PLBD2: variants seen among roughly 807,000 people sequenced by gnomAD.
PLBD2 encodes the protein putative aminopeptidase PLBD2.
PLBD2 carries 51 observed loss-of-function variants against 68.3 expected under a neutral mutation model. That is an observed-to-expected ratio of 0.75 (90% CI 0.60 to 0.94). PLBD2 has a LOEUF of 0.94. PLBD2 is among the 40% of genes least tolerant of loss of function. PLBD2 has a pLI of 0.00. For synonymous variants in PLBD2, 314 were observed against 339.3 expected (o/e 0.93, Z 0.82); for missense variants, 729 against 792.2 (o/e 0.92, Z 0.96).
At chr12:113,361,300 C>A (rs540318438) in intron 1 of PLBD2, among the ~76,000 whole-genome samples, 1 of 148,336 alleles carries the variant, frequency 6.7e-6, no homozygotes, top group African/African-American at 2.5e-5. Flanking sequence ...CACCATAATC[C>A]TTCGTCTTTT....
chr12:113,384,047 C>G lies in PLBD2; in HGVS notation c.958-58C>G. 1 of 1,188,622 alleles carries G rather than the reference C, an allele frequency of 8.4e-7. No homozygotes were observed. Among genetic ancestry groups the G allele is most frequent in the East Asian group, 2.8e-5 (1 of 36,024 alleles). The allele number at this position is 1,188,622 out of a possible 1,614,324, so 73.6% of individuals were successfully genotyped here. A position where few individuals can be genotyped will look rare whatever the true frequency, so the allele number is the denominator to read the frequency against. ...TTTTGGAGCCATGACTGATGAAGTA[C>G]TGCCACTTGGTGGCAGCATGCCTAG... On this transcript the variant is annotated intron_variant, in intron 6 of 11. Transcript: ENST00000280800. The surrounding 1 kb of genome is among the most constrained non-coding windows in gnomAD (Gnocchi z 4.2).
In PLBD2 at chr12:113,358,659, CGCTGGCGCTGGCCCTGGT is replaced by C; in HGVS notation, c.66_83del (p.Ala24_Leu29del). ...CACCTGGCCCGGGCGCTGACGCGGG[CGCTGGCGCTGGCCCTGGT>C]GCTGGCCCTGCTGGTCGGGCCGTTC... On this transcript the variant is annotated inframe_deletion, in exon 1 of 12. Transcript: ENST00000280800. The C allele has an allele frequency of 6.8e-7, 1 of 1,460,792 alleles. No individual in the cohort carries two copies. The highest frequency in any genetic ancestry group is 9.0e-7 in the Non-Finnish European group (1 of 1,113,504). The allele number at this position is 1,460,792 out of a possible 1,614,324, so 90.5% of individuals were successfully genotyped here.
At chr12:113,382,698 C>A (rs745566364) in intron 6 of PLBD2, among the ~76,000 whole-genome samples, 2 of 151,920 alleles carry the variant, frequency 1.3e-5, no homozygotes, top group Non-Finnish European at 2.9e-5. Context: ...CCCCCTTGGC[C>A]TCCCAAAGTG....
intron 2 of PLBD2, among the ~76,000 whole-genome samples, chr12:113,369,510 G>C (rs932936647): frequency 6.6e-6 from 1 of 152,178 alleles, no homozygotes; most frequent in African/African-American, 2.4e-5. Flanking sequence ...CTTAACAAAA[G>C]TAAGGGAGTA....
Position 113,388,726 on chromosome 12 carries a change from G to T in PLBD2, c.*100G>T. ...CTTCTAACTCCAGCCCCTCCTGGGGGCTTCGTTCTCTGATCTGGGGTCTGA... is the reference window on the plus strand; with the variant it reads ...CTTCTAACTCCAGCCCCTCCTGGGGTCTTCGTTCTCTGATCTGGGGTCTGA... On this transcript the variant is annotated 3_prime_UTR_variant, in exon 12 of 12. Transcript: ENST00000280800. 6.0e-6 allele frequency: 8 copies of T among 1,335,208 alleles called. No homozygotes were observed. Among genetic ancestry groups the T allele is most frequent in the East Asian group, 2.6e-5 (1 of 37,998 alleles). 82.7% of individuals were successfully genotyped at this position (1,335,208 alleles called of 1,614,324 possible).
chr12:113,374,241 T>C (rs983331483), intron 3 of PLBD2, among the ~76,000 whole-genome samples: 3 of 152,014 alleles, frequency 2.0e-5, no homozygotes, highest in African/African-American at 7.2e-5. Flanking sequence ...TGGGGCTGAT[T>C]TGGGGTTAAC....
At chr12:113,367,141 A>G (rs1255262802) in intron 1 of PLBD2, among the ~76,000 whole-genome samples, 1 of 152,222 alleles carries the variant, frequency 6.6e-6, no homozygotes, top group Non-Finnish European at 1.5e-5. Flanking sequence ...CAGAGGGCTA[A>G]TGTGTATACA....
chr12:113,384,829 C>A lies in PLBD2; in HGVS notation c.1119-22C>A. 1 of 1,607,450 alleles carries A rather than the reference C, an allele frequency of 6.2e-7. No homozygotes were observed. Among genetic ancestry groups the A allele is most frequent in the Non-Finnish European group, 8.5e-7 (1 of 1,174,418 alleles). ...GAGGTGGCTCCAGGCTCTGTTCAGT[C>A]CTCCCTTCCCCTGCCCGGCAGGTAT... On this transcript the variant is annotated intron_variant, in intron 7 of 11. Coordinates refer to ENST00000280800, the MANE Select transcript of PLBD2 (RefSeq NM_173542.4). This position sits in a 1 kb window ranked among gnomAD's most constrained non-coding sequence, Gnocchi z 4.2.
chr12:113,384,777 G>A lies in PLBD2; in HGVS notation c.1119-74G>A. 3 of 1,248,460 alleles carry A rather than the reference G, an allele frequency of 2.4e-6. No homozygotes were observed. The highest frequency in any genetic ancestry group is 2.3e-6 in the Non-Finnish European group (2 of 859,736). The allele number at this position is 1,248,460 out of a possible 1,614,324, so 77.3% of individuals were successfully genotyped here. On this transcript the variant is annotated intron_variant, in intron 7 of 11. Coordinates refer to ENST00000280800, the MANE Select transcript of PLBD2 (RefSeq NM_173542.4). The surrounding 1 kb of genome is among the most constrained non-coding windows in gnomAD (Gnocchi z 4.2). ...ACTTCCTGTAATTCCTAGCTGAGTG[G>A]GACACTGCAGGGTGGGGAAAGCTGG...
intron 11 of PLBD2, 83 bp from the exon 12 acceptor site, chr12:113,388,376 G>C: frequency 7.4e-7 from 1 of 1,358,734 alleles, no homozygotes; most frequent in South Asian, 1.4e-5. Flanking sequence ...GGGCTCTGGG[G>C]TCAAGGTCAG....
chr12:113,381,253 C>G (rs548833837), intron 6 of PLBD2, among the ~76,000 whole-genome samples: 3 of 152,008 alleles, frequency 2.0e-5, no homozygotes, highest in East Asian at 3.9e-4. Flanking sequence ...CCGCCCCCCC[C>G]ACATCCCCAC....
intron 5 of PLBD2, among the ~76,000 whole-genome samples, chr12:113,377,756 T>A (rs1191432960): frequency 6.6e-6 from 1 of 152,230 alleles, no homozygotes; most frequent in East Asian, 1.9e-4. Flanking sequence ...GTGTGCTCAT[T>A]TGTTCTGCAT....
At chr12:113,379,330 A>AT (rs1957463763) in intron 5 of PLBD2, among the ~76,000 whole-genome samples, 1 of 149,752 alleles carries the variant, frequency 6.7e-6, no homozygotes, top group Non-Finnish European at 1.5e-5. Flanking sequence ...AAAAAAAAAA[A>AT]GACAAAGGAT....
intron 1 of PLBD2, among the ~76,000 whole-genome samples, chr12:113,368,182 G>A (rs528882752): frequency 6.6e-6 from 1 of 152,300 alleles, no homozygotes; most frequent in South Asian, 2.1e-4. Flanking sequence ...ATCAGAGGTT[G>A]AGAAGTGCTC....
In PLBD2 at chr12:113,387,892, G is replaced by T; in HGVS notation, c.1588G>T (p.Gly530Cys). The change falls in exon 11 of 12, where the codon GGT (glycine) becomes TGT (cysteine). Residue 530 changes from glycine to cysteine, a missense_variant. Transcript: ENST00000280800. ...GGCCCTGCGTCAGCGCTCCCATGGG[G>T]GTATCGATGTGAAGGTGCTGCCTCC... is the stretch of plus-strand genomic sequence containing the variant. Reference protein sequence around the residue: ...FQALRQRSHGGIDVKVTSMSL... With the variant: ...FQALRQRSHGCIDVKVTSMSL... 6.2e-7 allele frequency: 1 copy of T among 1,614,186 alleles called. No individual in the cohort carries two copies. The highest frequency in any genetic ancestry group is 8.5e-7 in the Non-Finnish European group (1 of 1,180,020).
chr12:113,374,743 C>A (rs760002561), intron 4 of PLBD2, 50 bp from the exon 5 acceptor site: 2 of 1,581,982 alleles, frequency 1.3e-6, no homozygotes, highest in Non-Finnish European at 1.7e-6. Flanking sequence ...GAGTACATAA[C>A]AGCACTCACA....
At chr12:113,366,675 T>G (rs1220587226) in intron 1 of PLBD2, among the ~76,000 whole-genome samples, 1 of 151,958 alleles carries the variant, frequency 6.6e-6, no homozygotes. Context: ...AGAGTCTTGC[T>G]TTCCCAGGCT....
chr12:113,383,148 A>G (rs1957512758), intron 6 of PLBD2, among the ~76,000 whole-genome samples: 1 of 152,174 alleles, frequency 6.6e-6, no homozygotes, highest in South Asian at 2.1e-4. Flanking sequence ...GGCATCCTGC[A>G]TGCCCCAAGG....
intron 1 of PLBD2, among the ~76,000 whole-genome samples, chr12:113,364,439 G>A (rs1024277830): frequency 1.3e-5 from 2 of 151,670 alleles, no homozygotes; most frequent in Admixed American, 1.3e-4. Flanking sequence ...CACACTCGCC[G>A]GGTCTCCTCA....
Sources: gnomAD v4.1 joint callset for allele counts (sites outside exome capture counted in the v4.1 genomes callset) on GRCh38, gnomAD v4.1.1 for gene constraint, Gnocchi (gnomAD v3.1) non-coding constraint, MANE v1.5 for transcripts, NCBI Gene and HGNC (gene_info 2026-07-23, HGNC 2026-07-21) for gene names.